CNTN5: variants seen among roughly 807,000 people sequenced by gnomAD.
The protein encoded by CNTN5 is contactin 5, also known as contactin-5.
Under a neutral mutation model 129.1 loss-of-function variants are expected in CNTN5, and 77 were observed. That is an observed-to-expected ratio of 0.60 (90% confidence interval 0.50 to 0.72). CNTN5 has a LOEUF of 0.72. Among genes scored for constraint, CNTN5 ranks in the 30% least tolerant of loss-of-function variants. The pLI, the probability that CNTN5 is intolerant of heterozygous loss-of-function variation, is 0.00. For synonymous variants in CNTN5, 509 were observed against 465.6 expected, an observed-to-expected ratio of 1.09 and a Z score of -1.20; for missense variants, 1,478 against 1,328.8, an observed-to-expected ratio of 1.11 and a Z score of -1.75.
intron 2 of CNTN5, among the ~76,000 whole-genome samples, chr11:99,538,711 C>G (rs1042071816): frequency 8.5e-5 from 13 of 152,170 alleles, no homozygotes; most frequent in African/African-American, 3.1e-4. Flanking sequence ...GAGTACTGCT[C>G]TAGGTATCTG....
intron 6 of CNTN5, among the ~76,000 whole-genome samples, chr11:99,912,481 AAC>A (rs1212441245): frequency 2.0e-5 from 3 of 151,936 alleles, no homozygotes; most frequent in Middle Eastern, 3.2e-3. Flanking sequence ...ACCAGTACCT[AAC>A]ACAGTTTTTA....
At chr11:100,185,884 G>C (rs764250013) in intron 13 of CNTN5, among the ~76,000 whole-genome samples, 2 of 152,152 alleles carry the variant, frequency 1.3e-5, no homozygotes, top group Non-Finnish European at 2.9e-5. Context: ...CCTGATTTTG[G>C]ACTGTCCAGT....
At chr11:99,699,586 G>A (rs772867948) in intron 3 of CNTN5, among the ~76,000 whole-genome samples, 15 of 151,438 alleles carry the variant, frequency 9.9e-5, no homozygotes, top group Non-Finnish European at 2.2e-4. Flanking sequence ...CTAGGGATAA[G>A]CCAGTGATGT....
At chr11:99,522,025 T>A (rs559137150) in intron 2 of CNTN5, among the ~76,000 whole-genome samples, 25 of 152,078 alleles carry the variant, frequency 1.6e-4, no homozygotes, top group Admixed American at 1.1e-3. Context: ...GAATAAAAAA[T>A]CATCTTCTAT....
At chr11:100,194,297 C>T (rs568712172) in intron 15 of CNTN5, among the ~76,000 whole-genome samples, 21 of 151,906 alleles carry the variant, frequency 1.4e-4, no homozygotes, top group South Asian at 8.3e-4. Context: ...GCCCCTTCCC[C>T]ACATGGACTT....
chr11:99,650,234 T>C (rs1368022656), intron 3 of CNTN5, among the ~76,000 whole-genome samples: 1 of 151,904 alleles, frequency 6.6e-6, no homozygotes, highest in Non-Finnish European at 1.5e-5. Flanking sequence ...GTGAGAAATA[T>C]AACTATCAAG....
rs1190690950 is a variant in CNTN5, at chr11:99,689,382, C to T, written c.56-130162C>T. On this transcript the variant is annotated intron_variant, in intron 3 of 24. Coordinates refer to ENST00000524871, the MANE Select transcript of CNTN5 (RefSeq NM_014361.4). ...CTCTACTAAAAATACAAAAAATTAG[C>T]TGGGCGTGGTGGTGGGCGCCTGTAG... Among the ~76,000 whole-genome samples, 7 of 151,864 alleles carry T rather than the reference C, an allele frequency of 4.6e-5. No homozygotes were observed. In the East Asian group the frequency reaches 1.4e-3, roughly 29 times the overall value.
intron 1 of CNTN5, among the ~76,000 whole-genome samples, chr11:99,120,774 AT>A (rs1000132526): frequency 3.9e-5 from 6 of 152,230 alleles, no homozygotes; most frequent in Admixed American, 1.3e-4. Flanking sequence ...CGAGTCACAG[AT>A]GCAGATGTAC....
At chr11:99,404,616 G>A (rs1941989515) in intron 2 of CNTN5, among the ~76,000 whole-genome samples, 1 of 152,002 alleles carries the variant, frequency 6.6e-6, no homozygotes, top group South Asian at 2.1e-4. Flanking sequence ...TTGCATAAAG[G>A]AACAAGCTAA....
chr11:99,799,447 T>G (rs1000753739), intron 3 of CNTN5, among the ~76,000 whole-genome samples: 10 of 152,118 alleles, frequency 6.6e-5, no homozygotes, highest in African/African-American at 2.2e-4. Context: ...TCTGAGAGTT[T>G]TTATCATGAA....
intron 3 of CNTN5, among the ~76,000 whole-genome samples, chr11:99,635,782 G>A (rs1411181905): frequency 6.6e-6 from 1 of 151,986 alleles, no homozygotes; most frequent in African/African-American, 2.4e-5. Context: ...GTTCATGTCA[G>A]TTTTGTTACT....
At chr11:99,799,209 T>C (rs1304843044) in intron 3 of CNTN5, among the ~76,000 whole-genome samples, 1 of 151,888 alleles carries the variant, frequency 6.6e-6, no homozygotes, top group East Asian at 1.9e-4. Context: ...GTAATGTCAC[T>C]TCACCTTTTT....
chr11:99,948,515 A>G (rs1279224283), intron 7 of CNTN5, among the ~76,000 whole-genome samples: 1 of 152,226 alleles, frequency 6.6e-6, no homozygotes, highest in Non-Finnish European at 1.5e-5. Context: ...TATTTCAAAC[A>G]TCTAACTTTT....
At chr11:100,170,129 G>A (rs567037249) in intron 13 of CNTN5, among the ~76,000 whole-genome samples, 16 of 151,982 alleles carry the variant, frequency 1.1e-4, no homozygotes, top group South Asian at 2.1e-4. Context: ...ATAATTGAAC[G>A]CCTTCTATTA....
chr11:99,291,004 C>A, intron 1 of CNTN5, among the ~76,000 whole-genome samples: 1 of 151,828 alleles, frequency 6.6e-6, no homozygotes, highest in Non-Finnish European at 1.5e-5. Context: ...TGCCTAACAA[C>A]AGGTATGTGC....
intron 3 of CNTN5, among the ~76,000 whole-genome samples, chr11:99,642,296 C>T (rs753577688): frequency 4.6e-5 from 7 of 152,148 alleles, no homozygotes; most frequent in South Asian, 2.1e-4. Flanking sequence ...CAGTGGTATT[C>T]TGTCATTTGG....
intron 3 of CNTN5, among the ~76,000 whole-genome samples, chr11:99,658,715 A>AT (rs1952476238): frequency 3.3e-5 from 4 of 120,398 alleles, no homozygotes; most frequent in African/African-American, 1.2e-4. Context: ...CTACTAAAAA[A>AT]AAAATATATA....
intron 1 of CNTN5, among the ~76,000 whole-genome samples, chr11:99,049,343 A>T (rs1297633070): frequency 6.6e-6 from 1 of 152,148 alleles, no homozygotes; most frequent in Non-Finnish European, 1.5e-5. Context: ...CAAATTTCAG[A>T]TTTTCATAGA....
chr11:99,459,821 TA>T (rs959812791), intron 2 of CNTN5, among the ~76,000 whole-genome samples: 4 of 151,960 alleles, frequency 2.6e-5, no homozygotes, highest in African/African-American at 9.7e-5. Context: ...TGAGAACTGG[TA>T]ACAAAAGGGC....
Sources: gnomAD v4.1 joint callset for allele counts (sites outside exome capture counted in the v4.1 genomes callset) on GRCh38, gnomAD v4.1.1 for gene constraint, MANE v1.5 for transcripts, NCBI Gene and HGNC (gene_info 2026-07-23, HGNC 2026-07-21) for gene names.